PGAP3: variants seen among roughly 807,000 people sequenced by gnomAD.
The protein encoded by PGAP3 is GPI-specific phospholipase A2-like PGAP3.
In PGAP3, 31 loss-of-function variants were observed where a neutral mutation model predicts 40.3. That is an observed-to-expected ratio of 0.77 (90% confidence interval 0.58 to 1.04). PGAP3 has a LOEUF of 1.04. Among genes scored for constraint, PGAP3 ranks in the 50% least tolerant of loss-of-function variants. PGAP3 has a pLI of 0.00. For synonymous variants in PGAP3, 191 were observed against 184.5 expected (o/e 1.04, Z -0.29); for missense variants, 413 against 423.0 (o/e 0.98, Z 0.21).
chr17:39,680,614 G>A (rs1363410073), intron 3 of PGAP3, among the ~76,000 whole-genome samples: 7 of 152,116 alleles, frequency 4.6e-5, no homozygotes, highest in Non-Finnish European at 7.4e-5. Context: ...GTTCTCACGT[G>A]TACAATTCAG....
chr17:39,684,549 A>G (rs770466943), intron 3 of PGAP3, 48 bp downstream of exon 3: 4 of 1,553,314 alleles, frequency 2.6e-6, no homozygotes, highest in South Asian at 2.4e-5. Context: ...GTAGAGCTCC[A>G]CCTTCCTAGA....
At chr17:39,687,765 G>A (rs1597831939) in intron 1 of PGAP3, 69 bp downstream of exon 1, 1 of 1,200,664 alleles carries the variant, frequency 8.3e-7, no homozygotes, top group East Asian at 3.1e-5. Context: ...GGATTGCAGA[G>A]GCGTATTGGG....
intron 3 of PGAP3, among the ~76,000 whole-genome samples, chr17:39,682,952 C>A (rs1200585539): frequency 1.3e-5 from 2 of 152,098 alleles, no homozygotes; most frequent in East Asian, 3.8e-4. Flanking sequence ...TGGCACATGC[C>A]TGTAGTCCCA....
Position 39,673,099 on chromosome 17 carries a change from T to G in PGAP3, c.851A>C (p.His284Pro), listed in dbSNP as rs776720232. ...FPPLFWVLDA[H>P]AIWHISTIPV... ...GATGGTGCTGATGTGCCAGATGGCATGGGCATCCAGGACCCAGAAGAGCGG... is the reference window on the plus strand; with the variant it reads ...GATGGTGCTGATGTGCCAGATGGCAGGGGCATCCAGGACCCAGAAGAGCGG... The change falls in exon 7 of 8, where the codon CAT (histidine) becomes CCT (proline). Residue 284 changes from histidine to proline, a missense_variant. Physicochemically the swap from His to Pro is moderately conservative, Grantham distance 77. Transcript: ENST00000300658. The G allele has an allele frequency of 1.2e-6, 2 of 1,609,558 alleles. No individual in the cohort carries two copies. Among genetic ancestry groups the G allele is most frequent in the African/African-American group, 1.3e-5 (1 of 75,004 alleles).
intron 3 of PGAP3, among the ~76,000 whole-genome samples, chr17:39,677,182 C>T (rs978663457): frequency 2.0e-5 from 3 of 152,178 alleles, no homozygotes; most frequent in Non-Finnish European, 2.9e-5. Context: ...GCCATGAGGA[C>T]GAGGTCTGCG....
intron 3 of PGAP3, among the ~76,000 whole-genome samples, chr17:39,680,350 T>C (rs2057424666): frequency 6.6e-6 from 1 of 152,196 alleles, no homozygotes; most frequent in South Asian, 2.1e-4. Flanking sequence ...GAAATGTATG[T>C]AAAGTGCTTC....
intron 2 of PGAP3, 36 bp downstream of exon 2, chr17:39,685,886 C>T (rs940766367): frequency 1.9e-6 from 3 of 1,578,454 alleles, no homozygotes; most frequent in Non-Finnish European, 2.6e-6. Context: ...TCCTACCACG[C>T]TACTACCATA....
At chr17:39,687,766 G>T in intron 1 of PGAP3, 68 bp downstream of exon 1, 1 of 1,201,150 alleles carries the variant, frequency 8.3e-7, no homozygotes, top group Non-Finnish European at 1.1e-6. Flanking sequence ...GATTGCAGAG[G>T]CGTATTGGGG....
chr17:39,687,749 G>C (rs1224660681), intron 1 of PGAP3, 85 bp downstream of exon 1: 10 of 1,107,818 alleles, frequency 9.0e-6, no homozygotes, highest in Non-Finnish European at 1.2e-5. Flanking sequence ...GGAAACTAAG[G>C]TTCAGGGATT....
chr17:39,686,502 T>C (rs1308272976), intron 1 of PGAP3, among the ~76,000 whole-genome samples: 1 of 151,274 alleles, frequency 6.6e-6, no homozygotes, highest in Admixed American at 6.6e-5. Flanking sequence ...GTTATCTGCC[T>C]GCCTCTGCCA....
At chr17:39,674,501 T>C in intron 4 of PGAP3, 116 bp downstream of exon 4, 1 of 1,165,580 alleles carries the variant, frequency 8.6e-7, no homozygotes, top group Middle Eastern at 2.8e-4. Context: ...GCCCACCCCA[T>C]ACTCCTCCCA....
intron 1 of PGAP3, among the ~76,000 whole-genome samples, chr17:39,686,789 T>C (rs927326039): frequency 6.6e-6 from 1 of 152,128 alleles, no homozygotes; most frequent in Non-Finnish European, 1.5e-5. Flanking sequence ...CAGATGATCT[T>C]TCTACCTTGG....
At chr17:39,673,435 C>T in intron 6 of PGAP3, 79 bp downstream of exon 6, 1 of 1,597,300 alleles carries the variant, frequency 6.3e-7, no homozygotes, top group East Asian at 2.2e-5. Context: ...GAACCTCCTT[C>T]TCCAGGAATG....
Position 39,673,585 on chromosome 17 carries a change from G to C in PGAP3, c.623C>G (p.Thr208Ser). Residue 208 changes from threonine to serine, a missense_variant, in exon 6 of 8, where the codon ACC becomes AGC. By Grantham distance (58) the Thr-to-Ser change is moderately conservative (BLOSUM62 1). Transcript: ENST00000300658. ...GAGGCTCAGGTAGGAGACGTGCACGGTCAGCATGAGCAGCAGGAGAGCCCG... is the reference window on the plus strand; with the variant it reads ...GAGGCTCAGGTAGGAGACGTGCACGCTCAGCATGAGCAGCAGGAGAGCCCG... ...AFRALLLLML[T>S]VHVSYLSLIR... The C allele has an allele frequency of 6.2e-7, 1 of 1,614,124 alleles. No individual in the cohort carries two copies. The highest frequency in any genetic ancestry group is 8.5e-7 in the Non-Finnish European group (1 of 1,180,026).
chr17:39,676,458 G>C (rs1400128960), intron 3 of PGAP3, among the ~76,000 whole-genome samples: 1 of 152,076 alleles, frequency 6.6e-6, no homozygotes. Flanking sequence ...CATATGCGTA[G>C]GGCCACAGGA....
chr17:39,675,740 G>A (rs887593825), intron 3 of PGAP3, among the ~76,000 whole-genome samples: 1 of 152,186 alleles, frequency 6.6e-6, no homozygotes, highest in African/African-American at 2.4e-5. Context: ...CAGGTCTGGG[G>A]AGCTCAGGAG....
At chr17:39,674,337 G>A (rs1285812115) in intron 4 of PGAP3, among the ~76,000 whole-genome samples, 1 of 152,172 alleles carries the variant, frequency 6.6e-6, no homozygotes, top group East Asian at 1.9e-4. Context: ...CAGCCATGGG[G>A]TCACGTCCTG....
At chr17:39,677,943 G>A (rs1657273547) in intron 3 of PGAP3, among the ~76,000 whole-genome samples, 1 of 152,168 alleles carries the variant, frequency 6.6e-6, no homozygotes, top group South Asian at 2.1e-4. Flanking sequence ...TCAGAAGTGG[G>A]GGAGGCAGAA....
rs192823689 is a variant in PGAP3, at chr17:39,675,794, C to G, written c.433-1115G>C. ...GTACAGGCGGGGCAGAACTGCTGCA[C>G]AGCCAGTCAGGTTCTCGGGGTGCCA... On this transcript the variant is annotated intron_variant, in intron 3 of 7. Transcript: ENST00000300658. Among the ~76,000 whole-genome samples the G allele has an allele frequency of 2.6e-5, 4 of 152,230 alleles. No homozygotes were observed. The East Asian group carries it at 7.7e-4, about 29-fold the overall frequency.
Sources: allele counts gnomAD v4.1 joint callset (sites outside exome capture counted in the v4.1 genomes callset), GRCh38; gene constraint gnomAD v4.1.1; transcripts MANE v1.5; gene names NCBI Gene and HGNC (gene_info 2026-07-23, HGNC 2026-07-21).